The following ITGB1 variants were observed in gnomAD, a reference collection of about 807,000 sequenced individuals.
ITGB1 encodes the protein integrin subunit beta 1, also known as integrin beta-1.
In ITGB1, 24 loss-of-function variants were observed where a neutral mutation model predicts 86.5. That is an observed-to-expected ratio of 0.28 (90% CI 0.20 to 0.39). The LOEUF is 0.39. Ranked by LOEUF, ITGB1 falls within the 10% of genes least tolerant of loss-of-function variation. The probability of loss-of-function intolerance (pLI) is 1.00; values close to 1 mark genes in which losing one functional copy is unlikely to be tolerated. For synonymous variants in ITGB1, 323 were observed against 316.8 expected, an observed-to-expected ratio of 1.02 and a Z score of -0.21; for missense variants, 556 against 946.9, an observed-to-expected ratio of 0.59 and a Z score of 5.42.
Position 32,907,762 on chromosome 10 carries a change from GGAA to G in ITGB1, c.2331+603_2331+605del, listed in dbSNP as rs377042949. Among the ~76,000 whole-genome samples, 1,168 of 152,036 alleles carry G rather than the reference GGAA, an allele frequency of 7.7e-3. 7 individuals are homozygous for G. Among genetic ancestry groups the G allele is most frequent in the Middle Eastern group, 0.02 (6 of 294 alleles). On this transcript the variant is annotated intron_variant, in intron 15 of 15. Coordinates refer to ENST00000302278, the MANE Select transcript of ITGB1 (RefSeq NM_002211.4). ...TCTTTTGGCTTCCCTGGGCCACACTGGAAGAAGAAGAATTGTCTTGGGCCACAC... is the reference window on the plus strand; with the variant it reads ...TCTTTTGGCTTCCCTGGGCCACACTGGAAGAAGAATTGTCTTGGGCCACAC...
chr10:32,950,061 T>C (rs903929439), intron 1 of ITGB1, among the ~76,000 whole-genome samples: 27 of 152,148 alleles, frequency 1.8e-4, no homozygotes, highest in Non-Finnish European at 3.1e-4. Context: ...TTCACCTTAA[T>C]AGTAGAAAAG....
chr10:32,910,487 C>T, intron 13 of ITGB1, 32 bp from the exon 14 acceptor site: 1 of 1,397,994 alleles, frequency 7.2e-7, no homozygotes, highest in Non-Finnish European at 9.9e-7. Context: ...ATGATATTTA[C>T]ATTTTATTAT....
intron 4 of ITGB1, 41 bp downstream of exon 4, chr10:32,929,781 C>T: frequency 8.6e-7 from 1 of 1,169,438 alleles, no homozygotes; most frequent in Middle Eastern, 1.9e-4. Flanking sequence ...TCGAATGCCT[C>T]AAGTAAACAC....
intron 1 of ITGB1, among the ~76,000 whole-genome samples, chr10:32,937,510 C>T (rs1034924521): frequency 2.1e-5 from 3 of 143,802 alleles, no homozygotes; most frequent in South Asian, 2.2e-4. Context: ...GAGCCAAGAT[C>T]GCGCCACTGT....
intron 14 of ITGB1, among the ~76,000 whole-genome samples, chr10:32,909,941 C>G (rs1004380731): frequency 3.3e-5 from 5 of 152,188 alleles, no homozygotes; most frequent in Non-Finnish European, 7.3e-5. Context: ...CACTTGGTGT[C>G]AGGCATCGTT....
chr10:32,903,108 T>C (rs1008263917), intron 15 of ITGB1, among the ~76,000 whole-genome samples: 1 of 152,074 alleles, frequency 6.6e-6, no homozygotes, highest in African/African-American at 2.4e-5. Flanking sequence ...TCCCAGAACT[T>C]TGAGAGGCCG....
intron 15 of ITGB1, among the ~76,000 whole-genome samples, chr10:32,904,246 A>G (rs1357411904): frequency 6.6e-6 from 1 of 152,178 alleles, no homozygotes; most frequent in Admixed American, 6.5e-5. Flanking sequence ...AATAATTCAA[A>G]TTAGTTTCCA....
At position 32,912,042 on chromosome 10, in the gene ITGB1, T is replaced by G; in HGVS notation, c.1552A>C (p.Lys518Gln). The stretch of plus-strand genomic sequence containing the variant: ...CTGCAGATTTCTGAACTGTTTTCTT[T>G]CCTGCAGTAAGCATCCATGTCTTCA... ...NSEDMDAYCR[K>Q]ENSSEICSNN... The change falls in exon 12 of 16, where the codon AAA (lysine) becomes CAA (glutamine). Residue 518 changes from lysine to glutamine, a missense_variant. By Grantham distance (53) the Lys-to-Gln change is moderately conservative. Coordinates refer to ENST00000302278, the MANE Select transcript of ITGB1 (RefSeq NM_002211.4). The G allele has an allele frequency of 1.2e-6, 2 of 1,614,244 alleles. No homozygotes were observed. Among genetic ancestry groups the G allele is most frequent in the Non-Finnish European group, 1.7e-6 (2 of 1,180,038 alleles).
Position 32,911,699 on chromosome 10 carries a change from T to C in ITGB1, c.1709-29A>G, listed in dbSNP as rs377283328. The C allele has an allele frequency of 1.1e-5, 17 of 1,606,296 alleles. No individual in the cohort carries two copies. In the African/African-American group the frequency reaches 2.1e-4, roughly 20 times the overall value. On this transcript the variant is annotated intron_variant, in intron 12 of 15. Coordinates refer to ENST00000302278, the MANE Select transcript of ITGB1 (RefSeq NM_002211.4). ...CAATTAAGCATATCATTTCTCAAAA[T>C]GGTAAAAATATACAATCACAGTATT...
At chr10:32,908,597 T>C (rs1476230278) in intron 14 of ITGB1, 63 bp from the exon 15 acceptor site, 28 of 1,435,066 alleles carry the variant, frequency 2.0e-5, no homozygotes, top group Non-Finnish European at 2.6e-5. Context: ...ATAAAAAACA[T>C]ACAGGAATAA....
intron 1 of ITGB1, among the ~76,000 whole-genome samples, chr10:32,948,258 A>G (rs1031534008): frequency 1.3e-5 from 2 of 152,198 alleles, no homozygotes; most frequent in Admixed American, 1.3e-4. Context: ...CAGATTCCTG[A>G]CAAATGTGTT....
chr10:32,929,204 T>TAAA (rs143341662), intron 4 of ITGB1, among the ~76,000 whole-genome samples: 42 of 146,596 alleles, frequency 2.9e-4, no homozygotes, highest in East Asian at 4.2e-4. Context: ...ACAGAAGAGT[T>TAAA]AAAAAAAATC....
At position 32,929,889 on chromosome 10, in the gene ITGB1, T is replaced by C; in HGVS notation, c.309A>G (p.Ala103=). Residue 103 remains alanine, a synonymous_variant, in exon 4 of 16, where the codon GCA becomes GCG. Coordinates refer to ENST00000302278, the MANE Select transcript of ITGB1 (RefSeq NM_002211.4). ...KNVTNRSKGT[A]EKLKPEDITQ... ...TAATATCCTCTGGCTTGAGCTTCTC[T>C]GCTGTTCCTTTGCTACGGTTGGTTA... 6.2e-7 allele frequency: 1 copy of C among 1,613,472 alleles called. No individual in the cohort carries two copies. The highest frequency in any genetic ancestry group is 8.5e-7 in the Non-Finnish European group (1 of 1,179,356).
chr10:32,939,888 TG>T (rs2095014178), intron 1 of ITGB1, among the ~76,000 whole-genome samples: 1 of 152,326 alleles, frequency 6.6e-6, no homozygotes, highest in South Asian at 2.1e-4. Flanking sequence ...ACAGCTGCCC[TG>T]GGTCAGGATC....
intron 6 of ITGB1, among the ~76,000 whole-genome samples, chr10:32,925,259 T>C (rs2094961197): frequency 6.6e-6 from 1 of 152,176 alleles, no homozygotes; most frequent in African/African-American, 2.4e-5. Context: ...ATACAAATTA[T>C]TGAACCAATA....
At chr10:32,944,858 A>G in intron 1 of ITGB1, 1 of 1,274,890 alleles carries the variant, frequency 7.8e-7, no homozygotes, top group Admixed American at 1.7e-5. Context: ...GGATCCTCTC[A>G]TTCAGCATGA....
intron 1 of ITGB1, among the ~76,000 whole-genome samples, chr10:32,947,281 C>A (rs1476290725): frequency 1.3e-5 from 2 of 148,400 alleles, no homozygotes; most frequent in Non-Finnish European, 3.0e-5. Context: ...TCTGAATAAA[C>A]TGAAATTTCA....
In ITGB1 at chr10:32,911,578, C is replaced by A; in HGVS notation, c.1801G>T (p.Ala601Ser). 6.2e-7 allele frequency: 1 copy of A among 1,614,182 alleles called. No homozygotes were observed. Among genetic ancestry groups the A allele is most frequent in the Non-Finnish European group, 8.5e-7 (1 of 1,180,036 alleles). ...DCSLDTSTCE[A>S]SNGQICNGRG... ...CCATTGCAGATCTGTCCGTTGCTGG[C>A]TTCACAAGTACTAGTATCCAAAGAA... The change falls in exon 13 of 16, where the codon GCC (alanine) becomes TCC (serine). Residue 601 changes from alanine to serine, a missense_variant. Physicochemically the swap from Ala to Ser is moderately conservative, Grantham distance 99. Around this residue, in one of 4 missense-constraint regions of ITGB1, gnomAD observed 330 missense variants for 531.5 expected, o/e 0.62. Transcript: ENST00000302278.
intron 1 of ITGB1, among the ~76,000 whole-genome samples, chr10:32,957,128 G>T (rs896276791): frequency 6.6e-6 from 1 of 152,068 alleles, no homozygotes; most frequent in African/African-American, 2.4e-5. Flanking sequence ...GCTAAACTTG[G>T]CCCTCACTGT....
Sources: gnomAD v4.1 joint callset for allele counts (sites outside exome capture counted in the v4.1 genomes callset) on GRCh38, gnomAD v4.1.1 for gene constraint, gnomAD v4.1.1 regional missense constraint, MANE v1.5 for transcripts, NCBI Gene and HGNC (gene_info 2026-07-23, HGNC 2026-07-21) for gene names.